The following GRIA1 variants were observed in gnomAD, a reference collection of about 807,000 sequenced individuals.
The protein encoded by GRIA1 is glutamate ionotropic receptor AMPA type subunit 1.
In GRIA1, 31 loss-of-function variants were observed where a neutral mutation model predicts 99.2. That is an observed-to-expected ratio of 0.31 (90% confidence interval 0.23 to 0.42). The LOEUF (loss-of-function observed/expected upper bound fraction) is 0.42, where lower values mean the gene tolerates loss of function less well. Among genes scored for constraint, GRIA1 ranks in the 10% least tolerant of loss-of-function variants. The pLI, the probability that GRIA1 is intolerant of heterozygous loss-of-function variation, is 1.00. For missense variants in GRIA1, 782 were observed against 1,157.5 expected, an observed-to-expected ratio of 0.68 and a Z score of 4.71; for synonymous variants, 438 against 432.4, an observed-to-expected ratio of 1.01 and a Z score of -0.16.
intron 2 of GRIA1, among the ~76,000 whole-genome samples, chr5:153,592,826 C>G (rs1057356967): frequency 5.9e-5 from 9 of 152,178 alleles, no homozygotes; most frequent in African/African-American, 1.9e-4. Flanking sequence ...CAATTTGGGT[C>G]TTGGCAAAGA....
intron 2 of GRIA1, among the ~76,000 whole-genome samples, chr5:153,586,809 T>C (rs1246328427): frequency 6.6e-6 from 1 of 152,202 alleles, no homozygotes; most frequent in African/African-American, 2.4e-5. Context: ...AATCAGGCTT[T>C]ACTCAAATGT....
At chr5:153,776,723 G>A (rs545268236) in intron 13 of GRIA1, among the ~76,000 whole-genome samples, 86 of 152,232 alleles carry the variant, frequency 5.6e-4, no homozygotes, top group African/African-American at 2.0e-3. Context: ...GTGTATATTG[G>A]CATCTGGCTA....
chr5:153,646,217 G>T (rs146998318), intron 2 of GRIA1, among the ~76,000 whole-genome samples: 13 of 152,258 alleles, frequency 8.5e-5, no homozygotes, highest in African/African-American at 2.6e-4. Context: ...TACACTGGGG[G>T]GTCTGAAAAT....
chr5:153,668,681 G>C (rs1755926595), intron 5 of GRIA1, among the ~76,000 whole-genome samples: 1 of 152,162 alleles, frequency 6.6e-6, no homozygotes, highest in South Asian at 2.1e-4. Context: ...CATAGATGTG[G>C]AATAGGGGGA....
At chr5:153,699,294 G>A (rs971817737) in intron 10 of GRIA1, among the ~76,000 whole-genome samples, 44 of 152,164 alleles carry the variant, frequency 2.9e-4, no homozygotes, top group African/African-American at 9.4e-4. Context: ...GTCTTGTGAC[G>A]TCAGTTGATT....
At chr5:153,802,222 C>T (rs1766087285) in intron 14 of GRIA1, 134 bp from the exon 15 acceptor site, 1 of 681,366 alleles carries the variant, frequency 1.5e-6, no homozygotes, top group African/African-American at 1.8e-5. Flanking sequence ...ATAGCCTATC[C>T]AGCTATTGCA....
At chr5:153,654,284 G>A (rs1390540684) in intron 4 of GRIA1, among the ~76,000 whole-genome samples, 2 of 152,166 alleles carry the variant, frequency 1.3e-5, no homozygotes, top group Non-Finnish European at 2.9e-5. Context: ...TGGATCATAT[G>A]AAATTGCCAG....
rs1244387647 is a variant in GRIA1, at chr5:153,604,709, CA to C, written c.221-42218del. ...AAATGTTAGAGTTTAATTTTGTCTACATTTTGGAATTCAGAATATACTCCTG... is the reference window on the plus strand; with the variant it reads ...AAATGTTAGAGTTTAATTTTGTCTACTTTTGGAATTCAGAATATACTCCTG... On this transcript the variant is annotated intron_variant, in intron 2 of 15. Coordinates refer to ENST00000285900, the MANE Select transcript of GRIA1 (RefSeq NM_000827.4). Among the ~76,000 whole-genome samples the C allele has an allele frequency of 2.0e-5, 3 of 152,222 alleles. No homozygotes were observed. The East Asian group carries it at 5.8e-4, about 29-fold the overall frequency.
chr5:153,600,547 T>C (rs913813738), intron 2 of GRIA1, among the ~76,000 whole-genome samples: 29 of 152,218 alleles, frequency 1.9e-4, no homozygotes, highest in African/African-American at 6.5e-4. Context: ...AGGAGGCACC[T>C]GAAATTTCAG....
chr5:153,713,589 TA>T (rs1292887914), intron 11 of GRIA1, among the ~76,000 whole-genome samples: 1 of 152,356 alleles, frequency 6.6e-6, no homozygotes. Flanking sequence ...ATGGAAATGT[TA>T]AAATGAGTGC....
chr5:153,660,625 A>G (rs1755300177), intron 5 of GRIA1, among the ~76,000 whole-genome samples: 1 of 152,156 alleles, frequency 6.6e-6, no homozygotes, highest in African/African-American at 2.4e-5. Context: ...ATTCCAACCC[A>G]GGCTCTCAAA....
chr5:153,716,085 C>A (rs1759648201), intron 11 of GRIA1, among the ~76,000 whole-genome samples: 1 of 152,226 alleles, frequency 6.6e-6, no homozygotes, highest in African/African-American at 2.4e-5. Flanking sequence ...GCTCTGATCT[C>A]TTTGCTGGAA....
chr5:153,699,212 C>CCAACATCCAA, intron 10 of GRIA1, 139 bp downstream of exon 10: 1 of 669,256 alleles, frequency 1.5e-6, no homozygotes, highest in Non-Finnish European at 2.7e-6. Context: ...ACAGATGAGT[C>CCAACATCCAA]ATCCAAAATC....
intron 15 of GRIA1, among the ~76,000 whole-genome samples, chr5:153,807,198 T>C (rs1328670354): frequency 6.6e-6 from 1 of 152,164 alleles, no homozygotes; most frequent in Non-Finnish European, 1.5e-5. Context: ...ACAGAGATAG[T>C]GGGAAGGCAC....
At chr5:153,767,545 C>T (rs972559241) in intron 12 of GRIA1, among the ~76,000 whole-genome samples, 3 of 152,136 alleles carry the variant, frequency 2.0e-5, no homozygotes, top group Admixed American at 6.5e-5. Flanking sequence ...TAAGCCTTTC[C>T]ATCTCTGTGA....
intron 2 of GRIA1, among the ~76,000 whole-genome samples, chr5:153,602,103 C>T (rs1765023239): frequency 6.6e-6 from 1 of 152,176 alleles, no homozygotes; most frequent in African/African-American, 2.4e-5. Context: ...CAGCACTATT[C>T]ACAATAGCAA....
intron 7 of GRIA1, among the ~76,000 whole-genome samples, chr5:153,682,307 G>A (rs923493466): frequency 5.3e-5 from 8 of 152,144 alleles, no homozygotes; most frequent in African/African-American, 1.7e-4. Context: ...TTGACTGCTC[G>A]GCTGTCTCCT....
chr5:153,688,790 G>T (rs1757526492), intron 8 of GRIA1, among the ~76,000 whole-genome samples: 1 of 151,672 alleles, frequency 6.6e-6, no homozygotes, highest in African/African-American at 2.4e-5. Context: ...CATGGTCTCG[G>T]CTCACTGCAA....
At chr5:153,589,168 A>G (rs1763748491) in intron 2 of GRIA1, among the ~76,000 whole-genome samples, 1 of 152,152 alleles carries the variant, frequency 6.6e-6, no homozygotes, top group Non-Finnish European at 1.5e-5. Context: ...AACATCATCA[A>G]CATAAGGTTT....
Sources: allele counts gnomAD v4.1 joint callset (sites outside exome capture counted in the v4.1 genomes callset), GRCh38; gene constraint gnomAD v4.1.1; transcripts MANE v1.5; gene names NCBI Gene and HGNC (gene_info 2026-07-23, HGNC 2026-07-21).